Variants in NAA11 observed in about 807,000 individuals in gnomAD.
The protein encoded by NAA11 is N-alpha-acetyltransferase 11, NatA catalytic subunit.
NAA11 carries 15 observed loss-of-function variants against 16.1 expected under a neutral mutation model. The ratio of observed to expected loss-of-function variants is 0.93; its 90% CI spans 0.62 to 1.44. The LOEUF is 1.44. Among genes scored for constraint, NAA11 ranks in the 40% most tolerant of loss-of-function variants. The pLI is 0.00. For synonymous variants in NAA11, 122 were observed against 112.4 expected, an observed-to-expected ratio of 1.09 and a Z score of -0.54; for missense variants, 298 against 291.3, an observed-to-expected ratio of 1.02 and a Z score of -0.17.
At chr4:79,263,160 G>A (rs142583897) in intron 2 of NAA11, among the ~76,000 whole-genome samples, 2 of 152,232 alleles carry the variant, frequency 1.3e-5, no homozygotes, top group East Asian at 1.9e-4. Context: ...ACAGTGACTA[G>A]TGCATAATAG....
intron 2 of NAA11, among the ~76,000 whole-genome samples, chr4:79,256,859 G>A (rs898084447): frequency 6.6e-6 from 1 of 151,510 alleles, no homozygotes; most frequent in Non-Finnish European, 1.5e-5. Flanking sequence ...TCACTGTGTT[G>A]ACCAGGCTGG....
chr4:79,214,565 C>T, the NAA11 span, among the ~76,000 whole-genome samples: 61 of 152,140 alleles, frequency 4.0e-4, no homozygotes, highest in South Asian at 5.2e-3. Flanking sequence ...TTTGGGAGGC[C>T]GAGGTGGGCA....
the NAA11 span, among the ~76,000 whole-genome samples, chr4:79,193,486 G>A: frequency 5.5e-3 from 836 of 152,096 alleles, 6 homozygotes; most frequent in African/African-American, 0.015. Flanking sequence ...ATAGGGAATC[G>A]TTTCCCCATT....
rs527457561 is a variant in NAA11, at chr4:79,264,463, C to G, written c.*122+29542G>C. 2.7e-3 allele frequency among the ~76,000 whole-genome samples: 416 copies of G among 152,310 alleles called. 1 individual carries two copies. The highest frequency in any genetic ancestry group is 7.4e-3 in the Admixed American group (113 of 15,298). On this transcript the variant is annotated intron_variant and NMD_transcript_variant, in intron 2 of 2. Transcript: ENST00000511542. ...CTACTCTATTTCTCTTCTCTTTTTA[C>G]AGCAAAACTAACAAAAAGAGTTGTC...
chr4:79,263,503 G>A (rs1429539326), intron 2 of NAA11, among the ~76,000 whole-genome samples: 2 of 152,172 alleles, frequency 1.3e-5, no homozygotes. Context: ...TAGAGGTCTA[G>A]CAAGACTAAT....
intron 2 of NAA11, among the ~76,000 whole-genome samples, chr4:79,277,353 T>TA (rs1461677310): frequency 6.6e-6 from 1 of 152,062 alleles, no homozygotes; most frequent in African/African-American, 2.4e-5. Context: ...AAATGGCACT[T>TA]ACTAAAACCT....
At chr4:79,308,152 C>T (rs909865992) in intron 1 of NAA11, 1 of 152,246 alleles carries the variant, frequency 6.6e-6, no homozygotes, top group East Asian at 1.9e-4. Context: ...ATTTTCCTGG[C>T]TGAAAACTAA....
chr4:79,303,448 C>G (rs772482980), intron 1 of NAA11, among the ~76,000 whole-genome samples: 5 of 152,004 alleles, frequency 3.3e-5, no homozygotes, highest in African/African-American at 4.8e-5. Flanking sequence ...TCATTACACC[C>G]GCTCTTCCTG....
intron 2 of NAA11, among the ~76,000 whole-genome samples, chr4:79,280,663 T>C (rs114905839): frequency 0.033 from 5,058 of 152,090 alleles, 276 homozygotes; most frequent in African/African-American, 0.11. Context: ...CTGACTGATA[T>C]AGGGGCTTCA....
intron 2 of NAA11, among the ~76,000 whole-genome samples, chr4:79,277,818 C>A (rs1487401467): frequency 6.6e-6 from 1 of 152,010 alleles, no homozygotes; most frequent in Admixed American, 6.6e-5. Flanking sequence ...GAGCCACATG[C>A]GTCAGGGATA....
chr4:79,184,502 G>A, the NAA11 span, among the ~76,000 whole-genome samples: 4 of 152,244 alleles, frequency 2.6e-5, no homozygotes, highest in Admixed American at 6.5e-5. Flanking sequence ...CTTCTGATTC[G>A]GTTTGTTCTA....
At chr4:79,175,813 C>T in the NAA11 span, among the ~76,000 whole-genome samples, 1 of 151,052 alleles carries the variant, frequency 6.6e-6, no homozygotes, top group Non-Finnish European at 1.5e-5. Flanking sequence ...TTGTTTTGCT[C>T]CTTTTTATAC....
rs1445963236 is a variant in NAA11, at chr4:79,326,051, G to A, written c.-174C>T. 1.6e-5 allele frequency: 10 copies of A among 614,166 alleles called. No individual in the cohort carries two copies. In the East Asian group the frequency reaches 2.2e-4, roughly 14 times the overall value. The allele number at this position is 614,166 out of a possible 1,614,324, so 38.0% of individuals were successfully genotyped here. ...GGAAGGAGCAGGAGATGGAAAAGAT[G>A]GTGCCAAACTGCGGCTTTCAGAAGT... On this transcript the variant is annotated 5_prime_UTR_variant, in exon 1 of 2. Transcript: ENST00000286794.
At chr4:79,232,195 A>T (rs1578153066) in intron 2 of NAA11, among the ~76,000 whole-genome samples, 2 of 152,072 alleles carry the variant, frequency 1.3e-5, no homozygotes, top group East Asian at 3.9e-4. Flanking sequence ...ATAGTTGCCT[A>T]AACTGGGACT....
At chr4:79,180,681 A>T in the NAA11 span, among the ~76,000 whole-genome samples, 1 of 152,010 alleles carries the variant, frequency 6.6e-6, no homozygotes, top group African/African-American at 2.4e-5. Flanking sequence ...GCGATTCCTC[A>T]AGGATCTAGA....
At chr4:79,204,826 TC>T in the NAA11 span, among the ~76,000 whole-genome samples, 1 of 151,822 alleles carries the variant, frequency 6.6e-6, no homozygotes, top group South Asian at 2.1e-4. Flanking sequence ...GATTTTTCAT[TC>T]CTGATTTACT....
chr4:79,291,488 G>C (rs541782257), intron 2 of NAA11, among the ~76,000 whole-genome samples: 1 of 152,024 alleles, frequency 6.6e-6, no homozygotes, highest in African/African-American at 2.4e-5. Context: ...AAAGAATTGG[G>C]CCGGGCCTGG....
At chr4:79,239,605 G>A (rs561583341) in intron 2 of NAA11, among the ~76,000 whole-genome samples, 14 of 152,174 alleles carry the variant, frequency 9.2e-5, no homozygotes, top group African/African-American at 3.4e-4. Context: ...GAAGCTAAGG[G>A]ATGAGAATCG....
At chr4:79,216,601 A>T in the NAA11 span, among the ~76,000 whole-genome samples, 1,156 of 152,270 alleles carry the variant, frequency 7.6e-3, 16 homozygotes, top group African/African-American at 0.026. Context: ...TTTCCCAAAA[A>T]GTATCTTAAA....
Sources: allele counts gnomAD v4.1 joint callset (sites outside exome capture counted in the v4.1 genomes callset), GRCh38; gene constraint gnomAD v4.1.1; transcripts MANE v1.5; gene names NCBI Gene and HGNC (gene_info 2026-07-23, HGNC 2026-07-21).